GPHN: variants seen among roughly 807,000 people sequenced by gnomAD.
GPHN encodes the protein gephyrin.
Under a neutral mutation model 95.5 loss-of-function variants are expected in GPHN, and 17 were observed. The ratio of observed to expected loss-of-function variants is 0.18; its 90% confidence interval spans 0.12 to 0.27. The LOEUF (loss-of-function observed/expected upper bound fraction) is 0.27. Among genes scored for constraint, GPHN ranks in the 10% least tolerant of loss-of-function variants. The pLI is 1.00. For missense variants in GPHN, 660 were observed against 978.1 expected (o/e 0.67, Z 4.34); for synonymous variants, 320 against 322.5 (o/e 0.99, Z 0.08).
chr14:67,267,873 C>G, the GPHN span, among the ~76,000 whole-genome samples: 1 of 152,130 alleles, frequency 6.6e-6, no homozygotes, highest in African/African-American at 2.4e-5. Flanking sequence ...GTTTTTGAGA[C>G]TGTGTTGTTG....
the GPHN span, among the ~76,000 whole-genome samples, chr14:67,365,570 CA>C: frequency 6.6e-6 from 1 of 152,276 alleles, no homozygotes; most frequent in Admixed American, 6.5e-5. Context: ...TTTGGATGAG[CA>C]TTCATTTTTT....
rs1242404034 is a variant in GPHN, at chr14:67,150,448, A to AAC, written c.1836+7000_1836+7001insCA. Among the ~76,000 whole-genome samples the AAC allele has an allele frequency of 2.8e-3, 398 of 143,242 alleles. 6 individuals carry two copies. The highest frequency in any genetic ancestry group is 9.7e-3 in the African/African-American group (370 of 38,110). 94.0% of individuals were successfully genotyped at this position (143,242 alleles called of 152,430 possible). On this transcript the variant is annotated intron_variant, in intron 18 of 22. Coordinates refer to ENST00000478722, the MANE Select transcript of GPHN (RefSeq NM_020806.5). ...AGAGCGAGACTCCGTCTCAAAAAAA[A>AAC]AAAACAAAAAAAAAAAAAAAAAAAA...
chr14:67,009,144 C>G (rs925687791), intron 9 of GPHN, among the ~76,000 whole-genome samples: 4 of 151,962 alleles, frequency 2.6e-5, no homozygotes, highest in African/African-American at 9.7e-5. Flanking sequence ...AATCACCTGT[C>G]TCTTTATTTC....
rs567748086 is a variant in GPHN, at chr14:66,881,439, G to A, written c.389+1406G>A. Among the ~76,000 whole-genome samples the A allele has an allele frequency of 2.0e-5, 3 of 151,778 alleles. No individual in the cohort carries two copies. In the East Asian group the frequency reaches 5.8e-4, roughly 29 times the overall value. ...TCTTGTATACAAGCAATAACATCAGGAAAGAATTAAACTTCATTCTCTTGC... is the reference window on the plus strand; with the variant it reads ...TCTTGTATACAAGCAATAACATCAGAAAAGAATTAAACTTCATTCTCTTGC... On this transcript the variant is annotated intron_variant, in intron 5 of 22. Transcript: ENST00000478722.
the GPHN span, chr14:67,677,452 T>C: frequency 2.9e-5 from 4 of 135,810 alleles, no homozygotes; most frequent in African/African-American, 2.7e-5. Context: ...AATTCCTCCA[T>C]AGCTATGTTA....
Position 67,128,796 on chromosome 14 carries a change from G to A in GPHN, c.1748+6419G>A, listed in dbSNP as rs551831466. 1.3e-4 allele frequency among the ~76,000 whole-genome samples: 20 copies of A among 151,774 alleles called. No homozygotes were observed. The South Asian group carries it at 3.5e-3, about 27-fold the overall frequency. ...CTAAAAATACAAAAATTAGCCGGGC[G>A]TGGCGGTGGGCGCTTCTAATTTTTT... On this transcript the variant is annotated intron_variant, in intron 17 of 22. Transcript: ENST00000478722.
At chr14:67,724,684 G>A in the GPHN span, 2 of 977,364 alleles carry the variant, frequency 2.0e-6, no homozygotes, top group Admixed American at 1.8e-5. Context: ...TTTCCTCCTA[G>A]GCTTGGGGGC....
the GPHN span, chr14:67,587,596 TG>T: frequency 1.5e-4 from 40 of 258,154 alleles, no homozygotes; most frequent in South Asian, 5.7e-4. Flanking sequence ...ATTTTCTTTC[TG>T]GGGGGGGCGG....
At chr14:66,556,259 A>G (rs551905180) in intron 1 of GPHN, among the ~76,000 whole-genome samples, 7 of 152,344 alleles carry the variant, frequency 4.6e-5, no homozygotes, top group Admixed American at 2.6e-4. Context: ...TCTTAAGTAT[A>G]AAGACCCTCT....
At chr14:66,731,205 G>C (rs2071738155) in intron 2 of GPHN, among the ~76,000 whole-genome samples, 1 of 152,208 alleles carries the variant, frequency 6.6e-6, no homozygotes, top group Non-Finnish European at 1.5e-5. Flanking sequence ...TGTGAGAACA[G>C]ACTAATACAG....
chr14:66,574,690 G>T (rs1176953727), intron 1 of GPHN, among the ~76,000 whole-genome samples: 1 of 152,194 alleles, frequency 6.6e-6, no homozygotes, highest in African/African-American at 2.4e-5. Flanking sequence ...ATTTGTTTGT[G>T]TGTCTGAGTG....
At chr14:67,569,989 C>G in the GPHN span, 12 of 1,603,742 alleles carry the variant, frequency 7.5e-6, no homozygotes, top group East Asian at 2.5e-4. Context: ...TGTCACTGTG[C>G]CTGTCTACAC....
At chr14:66,613,036 C>T (rs2062849421) in intron 1 of GPHN, among the ~76,000 whole-genome samples, 2 of 151,930 alleles carry the variant, frequency 1.3e-5, no homozygotes. Context: ...GTGGATATTA[C>T]TGATTCTTGT....
chr14:66,805,777 C>A (rs1421525344), intron 3 of GPHN, among the ~76,000 whole-genome samples: 4 of 152,210 alleles, frequency 2.6e-5, no homozygotes, highest in Non-Finnish European at 2.9e-5. Flanking sequence ...AGCTCCACTC[C>A]TGTGGCTTTG....
chr14:67,042,723 G>A (rs1008605114), intron 10 of GPHN, among the ~76,000 whole-genome samples: 1 of 152,052 alleles, frequency 6.6e-6, no homozygotes, highest in African/African-American at 2.4e-5. Context: ...GCTCTTTTTT[G>A]GTTCCATATG....
At chr14:67,340,443 T>A in the GPHN span, 65 of 1,613,330 alleles carry the variant, frequency 4.0e-5, no homozygotes, top group African/African-American at 7.3e-4. Flanking sequence ...AACAAACCTA[T>A]AGAACTCTTC....
the GPHN span, among the ~76,000 whole-genome samples, chr14:67,257,997 G>A: frequency 6.6e-6 from 1 of 151,950 alleles, no homozygotes; most frequent in African/African-American, 2.4e-5. Context: ...GATTGTCATT[G>A]AATAATTTGG....
the GPHN span, among the ~76,000 whole-genome samples, chr14:67,361,760 T>G: frequency 6.6e-6 from 1 of 152,242 alleles, no homozygotes; most frequent in Non-Finnish European, 1.5e-5. Context: ...AAGAGTATTA[T>G]AGCATGTTGT....
At chr14:66,844,776 A>G (rs1262363128) in intron 4 of GPHN, among the ~76,000 whole-genome samples, 3 of 152,144 alleles carry the variant, frequency 2.0e-5, no homozygotes, top group Admixed American at 6.6e-5. Flanking sequence ...TGTACAATTC[A>G]GTGATATTAG....
Sources: gnomAD v4.1 joint callset for allele counts (sites outside exome capture counted in the v4.1 genomes callset) on GRCh38, gnomAD v4.1.1 for gene constraint, MANE v1.5 for transcripts, NCBI Gene and HGNC (gene_info 2026-07-23, HGNC 2026-07-21) for gene names.